Variants in PTGER3 observed in about 807,000 individuals in gnomAD.
The protein encoded by PTGER3 is prostaglandin E2 receptor EP3 subtype.
In PTGER3, 22 loss-of-function variants were observed where a neutral mutation model predicts 34.7. The ratio of observed to expected loss-of-function variants is 0.63; its 90% confidence interval spans 0.45 to 0.91. PTGER3 has a LOEUF of 0.91. PTGER3 is among the 40% of genes least tolerant of loss of function. The pLI, the probability that PTGER3 is intolerant of heterozygous loss-of-function variation, is 0.00. For missense variants in PTGER3, 468 were observed against 519.4 expected, an observed-to-expected ratio of 0.90 and a Z score of 0.96; for synonymous variants, 241 against 230.1, an observed-to-expected ratio of 1.05 and a Z score of -0.43.
At chr1:71,012,001 A>C in intron 2 of PTGER3, 1 of 1,371,046 alleles carries the variant, frequency 7.3e-7, no homozygotes, top group Non-Finnish European at 9.4e-7. Flanking sequence ...GACTCAACAA[A>C]AACACTAGAC....
Position 70,865,647 on chromosome 1 carries a change from G to A in PTGER3, c.*24-12788C>T, listed in dbSNP as rs374875453. The A allele has an allele frequency of 1.9e-5, 26 of 1,356,338 alleles. No individual in the cohort carries two copies. In the Middle Eastern group the frequency reaches 1.0e-3, roughly 55 times the overall value. The allele number at this position is 1,356,338 out of a possible 1,614,324, so 84.0% of individuals were successfully genotyped here. On this transcript the variant is annotated intron_variant, in intron 4 of 4. Coordinates refer to the PTGER3 transcript ENST00000370931. ...TCATTAGAGATAGGCTGACTTCCTGGGTAAAAAGTCCTGTACTTGGCAATG... is the reference window on the plus strand; with the variant it reads ...TCATTAGAGATAGGCTGACTTCCTGAGTAAAAAGTCCTGTACTTGGCAATG...
intron 2 of PTGER3, among the ~76,000 whole-genome samples, chr1:70,988,402 C>T (rs1655121442): frequency 6.6e-6 from 1 of 152,176 alleles, no homozygotes; most frequent in African/African-American, 2.4e-5. Context: ...CCGACTAAAA[C>T]ACTGCATTTC....
chr1:70,882,318 G>A (rs1314631024), intron 4 of PTGER3, among the ~76,000 whole-genome samples: 2 of 152,090 alleles, frequency 1.3e-5, no homozygotes, highest in Admixed American at 1.3e-4. Flanking sequence ...GGGACTGTTC[G>A]GCTGGAAGCT....
Position 71,047,323 on chromosome 1 carries a change from C to T in PTGER3, c.255G>A (p.Lys85=). The T allele has an allele frequency of 1.2e-6, 2 of 1,606,280 alleles. No individual in the cohort carries two copies. The highest frequency in any genetic ancestry group is 8.5e-7 in the Non-Finnish European group (1 of 1,177,084). ...AGCCGATGCACAGCAGGAAGGACTT[C>T]TTGCGCTTGCTCTCCCGGCGCCGGT... ...RSYRRRESKR[K]KSFLLCIGWL... is the part of the protein sequence containing the mutation. Residue 85 remains lysine (K), a synonymous_variant, in exon 1 of 4, where the codon AAG becomes AAA. Transcript: ENST00000306666.
chr1:70,955,258 G>A (rs1651199507), intron 2 of PTGER3, among the ~76,000 whole-genome samples: 1 of 152,128 alleles, frequency 6.6e-6, no homozygotes. Flanking sequence ...TGAAATGAAA[G>A]TTTATAATAA....
intron 2 of PTGER3, 23 bp downstream of exon 2, chr1:71,012,279 GAGC>G: frequency 6.2e-7 from 1 of 1,614,114 alleles, no homozygotes; most frequent in Non-Finnish European, 8.5e-7. Context: ...TCCATCATTA[GAGC>G]AGCTGGAGAC....
intron 4 of PTGER3, among the ~76,000 whole-genome samples, chr1:70,913,709 G>A (rs555622428): frequency 1.7e-4 from 25 of 151,438 alleles, no homozygotes; most frequent in African/African-American, 5.8e-4. Context: ...ATTTTTTTTC[G>A]ATGTTTTTTC....
intron 2 of PTGER3, among the ~76,000 whole-genome samples, chr1:70,982,766 C>G (rs1654510705): frequency 6.6e-6 from 1 of 151,964 alleles, no homozygotes; most frequent in African/African-American, 2.4e-5. Flanking sequence ...GTTATCTCTG[C>G]TTTTTAAATT....
At chr1:71,043,600 G>A (rs575518929) in intron 1 of PTGER3, among the ~76,000 whole-genome samples, 15 of 152,096 alleles carry the variant, frequency 9.9e-5, no homozygotes, top group Admixed American at 5.2e-4. Context: ...CCAACTTAAC[G>A]AATGCTAGCA....
downstream of PTGER3, among the ~76,000 whole-genome samples, chr1:70,968,329 G>A (rs1652742358): frequency 6.6e-6 from 1 of 152,168 alleles, no homozygotes; most frequent in Non-Finnish European, 1.5e-5. Context: ...GTATCCCACA[G>A]AACTTTACAG....
chr1:70,992,060 A>C (rs1357178999), intron 2 of PTGER3, among the ~76,000 whole-genome samples: 1 of 152,204 alleles, frequency 6.6e-6, no homozygotes, highest in African/African-American at 2.4e-5. Context: ...ATCCCAGAGG[A>C]AAGTACTAAT....
At chr1:71,006,247 G>T in intron 2 of PTGER3, 3 of 985,436 alleles carry the variant, frequency 3.0e-6, no homozygotes, top group Non-Finnish European at 3.6e-6. Context: ...AGGAACCAGG[G>T]ACAGAATTCT....
At chr1:70,928,129 ATATT>A (rs1648296247) in intron 4 of PTGER3, among the ~76,000 whole-genome samples, 1 of 88,124 alleles carries the variant, frequency 1.1e-5, no homozygotes, top group Admixed American at 1.3e-4. Flanking sequence ...TCATATATAT[ATATT>A]TATATATATA....
At chr1:70,997,784 C>G (rs940135297) in intron 2 of PTGER3, among the ~76,000 whole-genome samples, 1 of 152,178 alleles carries the variant, frequency 6.6e-6, no homozygotes, top group Non-Finnish European at 1.5e-5. Context: ...CTAAGCTCAG[C>G]AGCTATATTC....
rs35271200 is a variant in PTGER3 at position 71,024,645 on chromosome 1, C to CTT, written c.898-12163_898-12162dup. ...CTACCGACATTCTATCCTTTTCTTT[C>CTT]TTTTTTTTTTTTTTTTTTTTTGCCT... On this transcript the variant is annotated intron_variant, in intron 1 of 3. Transcript: ENST00000306666. Among the ~76,000 whole-genome samples the CTT allele has an allele frequency of 5.1e-3, 599 of 117,044 alleles. 10 individuals are homozygous for CTT. The highest frequency in any genetic ancestry group is 0.017 in the African/African-American group (487 of 29,042). 76.8% of individuals were successfully genotyped at this position (117,044 alleles called of 152,430 possible).
intron 4 of PTGER3, among the ~76,000 whole-genome samples, chr1:70,864,321 G>C (rs1176798075): frequency 6.6e-6 from 1 of 152,172 alleles, no homozygotes; most frequent in African/African-American, 2.4e-5. Flanking sequence ...CTGCTAGAAT[G>C]CAATGTCCAT....
chr1:70,926,631 GACAATTT>G (rs1648118614), intron 4 of PTGER3, among the ~76,000 whole-genome samples: 1 of 152,066 alleles, frequency 6.6e-6, no homozygotes, highest in African/African-American at 2.4e-5. Context: ...TGCAAACAGG[GACAATTT>G]GACTTCCTCT....
chr1:70,989,303 CAAATA>C (rs1357453706), intron 2 of PTGER3, among the ~76,000 whole-genome samples: 9 of 152,100 alleles, frequency 5.9e-5, no homozygotes, highest in African/African-American at 2.2e-4. Flanking sequence ...TTGGGATAAT[CAAATA>C]AAATAAATGT....
intron 4 of PTGER3, chr1:70,886,386 C>A: frequency 2.5e-6 from 1 of 404,104 alleles, no homozygotes; most frequent in South Asian, 1.9e-5. Flanking sequence ...CTTGTTATAG[C>A]TTCCCAAACT....
Sources: gnomAD v4.1 joint callset for allele counts (sites outside exome capture counted in the v4.1 genomes callset) on GRCh38, gnomAD v4.1.1 for gene constraint, MANE v1.5 for transcripts, NCBI Gene and HGNC (gene_info 2026-07-23, HGNC 2026-07-21) for gene names.